Variants in RASGRF1 observed in about 807,000 individuals in gnomAD.
The protein encoded by RASGRF1 is ras-specific guanine nucleotide-releasing factor 1.
Under a neutral mutation model 138.7 loss-of-function variants are expected in RASGRF1, and 40 were observed. The ratio of observed to expected loss-of-function variants is 0.29; its 90% CI spans 0.22 to 0.38. RASGRF1 has a LOEUF of 0.38. Among genes scored for constraint, RASGRF1 ranks in the 10% least tolerant of loss-of-function variants. RASGRF1 has a pLI of 1.00. For missense variants in RASGRF1, 1,108 were observed against 1,650.4 expected (o/e 0.67, Z 5.69); for synonymous variants, 614 against 663.2 (o/e 0.93, Z 1.14).
chr15:78,979,651 G>A (rs772675427), intron 24 of RASGRF1, among the ~76,000 whole-genome samples: 14 of 152,214 alleles, frequency 9.2e-5, no homozygotes, highest in African/African-American at 3.4e-4. Flanking sequence ...TGAGTGTGTG[G>A]CCACAGTGTG....
At position 78,980,676 on chromosome 15, in the gene RASGRF1, G is replaced by C; in HGVS notation, c.3438C>G (p.Leu1146=). 1 of 1,605,150 alleles carries C rather than the reference G, an allele frequency of 6.2e-7. No homozygotes were observed. The highest frequency in any genetic ancestry group is 8.5e-7 in the Non-Finnish European group (1 of 1,172,610). Residue 1146 remains leucine (L), a synonymous_variant, in exon 24 of 27, where the codon CTC becomes CTG. Coordinates refer to ENST00000558480, the MANE Select transcript of RASGRF1 (RefSeq NM_001145648.3). ...TGCCCTCAGATGACACAAGCTTTTG[G>C]AGCTTATCAATCAAAGCTTTAGTCT... ...SKQTKALIDK[L]QKLVSSEGRF...
In RASGRF1 at chr15:79,006,081, T is replaced by A. The variant is rs1201847501; in HGVS notation, c.2075+105A>T. 1 of 1,497,466 alleles carries A rather than the reference T, an allele frequency of 6.7e-7. No individual in the cohort carries two copies. Among genetic ancestry groups the A allele is most frequent in the Non-Finnish European group, 9.1e-7 (1 of 1,099,282 alleles). The allele number at this position is 1,497,466 out of a possible 1,614,324, so 92.8% of individuals were successfully genotyped here. A position where few individuals can be genotyped will look rare whatever the true frequency, so the allele number is the denominator to read the frequency against. ...CAGCACCCCAACACGTTACTGCTGC[T>A]CCTCCAGGGACCTTCCAGGTCACCC... On this transcript the variant is annotated intron_variant, in intron 14 of 26. Transcript: ENST00000558480. This position sits in a 1 kb window ranked among gnomAD's most constrained non-coding sequence, Gnocchi z 4.0.
At chr15:79,058,566 C>T (rs1357783501) in intron 2 of RASGRF1, 85 bp from the exon 3 acceptor site, 1 of 1,522,214 alleles carries the variant, frequency 6.6e-7, no homozygotes, top group Non-Finnish European at 8.9e-7. Context: ...GAGAGGGGCT[C>T]ACCCACCCAC....
intron 13 of RASGRF1, chr15:79,012,430 C>T (rs2056813995): frequency 3.2e-6 from 4 of 1,239,150 alleles, no homozygotes; most frequent in Non-Finnish European, 4.7e-6. Context: ...TTCTAATAAT[C>T]TCTCTATGTC....
In RASGRF1 at chr15:78,979,613, G is replaced by A. The variant is rs1411356019; in HGVS notation, c.3494+1007C>T. Among the ~76,000 whole-genome samples, 5 of 152,248 alleles carry A rather than the reference G, an allele frequency of 3.3e-5. No homozygotes were observed. In the South Asian group the frequency reaches 8.3e-4, roughly 25 times the overall value. Reference sequence around the variant, plus strand: ...AAGCCTGAGTAAGCACCTAATGAGAGTGACAGAAGCAAACCCCCCACTTCA... The same window carrying A: ...AAGCCTGAGTAAGCACCTAATGAGAATGACAGAAGCAAACCCCCCACTTCA... On this transcript the variant is annotated intron_variant, in intron 24 of 26. Coordinates refer to ENST00000558480, the MANE Select transcript of RASGRF1 (RefSeq NM_001145648.3).
At position 78,978,220 on chromosome 15, in the gene RASGRF1, GTTTTTTTTTTT is replaced by G. The variant is rs71148584; in HGVS notation, c.3494+2389_3494+2399del. Among the ~76,000 whole-genome samples, 338 of 124,974 alleles carry G rather than the reference GTTTTTTTTTTT, an allele frequency of 2.7e-3. 1 individual carries two copies. The highest frequency in any genetic ancestry group is 0.016 in the South Asian group (68 of 4,354). 82.0% of individuals were successfully genotyped at this position (124,974 alleles called of 152,430 possible). ...CTTCTTTTTCTTTTTCTTTTCTTTT[GTTTTTTTTTTT>G]TTTTTTTTTTTTTGAGACAGTCTTG... On this transcript the variant is annotated intron_variant, in intron 24 of 26. Coordinates refer to ENST00000558480, the MANE Select transcript of RASGRF1 (RefSeq NM_001145648.3).
At chr15:79,061,413 A>AATATATATATATATAGATATATAT (rs2057603823) in intron 2 of RASGRF1, among the ~76,000 whole-genome samples, 1 of 117,060 alleles carries the variant, frequency 8.5e-6, no homozygotes, top group Non-Finnish European at 1.7e-5. Context: ...CTATCTTTAA[A>AATATATATATATATAGATATATAT]ATATATATAT....
At chr15:78,982,530 A>G (rs750002816) in intron 23 of RASGRF1, among the ~76,000 whole-genome samples, 1 of 152,114 alleles carries the variant, frequency 6.6e-6, no homozygotes, top group East Asian at 1.9e-4. Context: ...TCCATGGGAT[A>G]CCAAGCCTCT....
At chr15:79,005,718 TCTCCCTCCCTCCCTCC>T (rs3833003) in intron 14 of RASGRF1, 21 of 567,576 alleles carry the variant, frequency 3.7e-5, no homozygotes, top group South Asian at 9.5e-5. Context: ...AAGAGTCCTT[TCTCCCTCCCTCCCTCC>T]CTCCCTCCCT....
At chr15:79,023,622 C>G (rs2044227) in intron 10 of RASGRF1, among the ~76,000 whole-genome samples, 121,376 of 152,148 alleles carry the variant, frequency 0.8, 48,596 homozygotes, top group Admixed American at 0.85. Flanking sequence ...CAAAGGCCCT[C>G]GGCCTATGAG....
At chr15:78,968,308 G>C (rs1250245866) in intron 26 of RASGRF1, among the ~76,000 whole-genome samples, 2 of 145,036 alleles carry the variant, frequency 1.4e-5, no homozygotes, top group Admixed American at 1.4e-4. Context: ...GCCTCACTCT[G>C]CTGCCCAGGC....
At chr15:79,001,587 G>A in intron 16 of RASGRF1, 75 bp downstream of exon 16, 1 of 1,514,686 alleles carries the variant, frequency 6.6e-7, no homozygotes, top group Non-Finnish European at 9.0e-7. Context: ...ACACCCACTT[G>A]CCTTGACTCG....
chr15:78,995,600 T>C (rs2056374790), intron 20 of RASGRF1, 140 bp downstream of exon 20: 2 of 1,086,790 alleles, frequency 1.8e-6, no homozygotes, highest in East Asian at 4.8e-5. Flanking sequence ...ATTCCTGTTG[T>C]TTTAAGCCGC....
chr15:79,031,591 T>C, intron 7 of RASGRF1, 82 bp from the exon 8 acceptor site: 1 of 623,314 alleles, frequency 1.6e-6, no homozygotes, highest in Non-Finnish European at 2.6e-6. Context: ...AGACAGGGAG[T>C]GAGCAAGAGA....
At position 79,046,437 on chromosome 15, in the gene RASGRF1, A is replaced by G. The variant is rs1194480171; in HGVS notation, c.878+309T>C. ...CTCTACCCATTAGATGCCAACAGCA[A>G]CCTCCCTCAAGTGGTGACAATCAAC... On this transcript the variant is annotated intron_variant, in intron 5 of 26. Transcript: ENST00000558480. The surrounding 1 kb of genome is among the most constrained non-coding windows in gnomAD (Gnocchi z 5.3). Among the ~76,000 whole-genome samples, 2 of 152,060 alleles carry G rather than the reference A, an allele frequency of 1.3e-5. No individual in the cohort carries two copies. The highest frequency in any genetic ancestry group is 2.4e-5 in the African/African-American group (1 of 41,396).
At chr15:78,983,421 CAGA>C (rs2056079523) in intron 23 of RASGRF1, among the ~76,000 whole-genome samples, 1 of 152,200 alleles carries the variant, frequency 6.6e-6, no homozygotes, top group Non-Finnish European at 1.5e-5. Context: ...CTGTAGAGAA[CAGA>C]AGATTTCAGG....
At chr15:79,003,685 C>A in intron 15 of RASGRF1, 117 bp downstream of exon 15, 1 of 1,450,882 alleles carries the variant, frequency 6.9e-7, no homozygotes, top group Non-Finnish European at 9.2e-7. Context: ...GACCCCCAAG[C>A]CTCTCCCTTC....
At chr15:78,971,469 A>G (rs17245773) in intron 26 of RASGRF1, among the ~76,000 whole-genome samples, 22,264 of 152,268 alleles carry the variant, frequency 0.15, 1,730 homozygotes, top group Non-Finnish European at 0.18. Flanking sequence ...ACCTAGACAC[A>G]AGAAACGGGC....
chr15:79,045,114 A>G (rs2057340857), intron 5 of RASGRF1, among the ~76,000 whole-genome samples: 1 of 152,248 alleles, frequency 6.6e-6, no homozygotes. Flanking sequence ...ATAAGGAGTC[A>G]TGGTGGAGAT....
Sources: gnomAD v4.1 joint callset for allele counts (sites outside exome capture counted in the v4.1 genomes callset) on GRCh38, gnomAD v4.1.1 for gene constraint, Gnocchi (gnomAD v3.1) non-coding constraint, MANE v1.5 for transcripts, NCBI Gene and HGNC (gene_info 2026-07-23, HGNC 2026-07-21) for gene names.